USP34: variants seen among roughly 807,000 people sequenced by gnomAD.
USP34 encodes the protein ubiquitin specific peptidase 34, also known as ubiquitin carboxyl-terminal hydrolase 34.
A neutral mutation model predicts 460.3 loss-of-function variants in USP34; 70 were observed. The ratio of observed to expected loss-of-function variants is 0.15; its 90% confidence interval spans 0.13 to 0.19. The LOEUF (loss-of-function observed/expected upper bound fraction) is 0.19. Among genes scored for constraint, USP34 ranks in the 10% least tolerant of loss-of-function variants. The pLI, the probability that USP34 is intolerant of heterozygous loss-of-function variation, is 1.00. For missense variants in USP34, 3,985 were observed against 4,236.2 expected (o/e 0.94, Z 1.65); for synonymous variants, 1,647 against 1,405.3 (o/e 1.17, Z -3.85).
intron 35 of USP34, 96 bp from the exon 36 acceptor site, chr2:61,283,545 C>T: frequency 7.4e-7 from 1 of 1,346,088 alleles, no homozygotes; most frequent in Non-Finnish European, 1.0e-6. Flanking sequence ...TTATCACTTC[C>T]CCCCCAAAAA....
chr2:61,210,115 A>G (rs1372818586), intron 69 of USP34, among the ~76,000 whole-genome samples: 1 of 150,286 alleles, frequency 6.7e-6, no homozygotes, highest in Non-Finnish European at 1.5e-5. Flanking sequence ...TAATGAAGAA[A>G]AAGTATTTTA....
At chr2:61,418,828 T>G (rs1281261667) in intron 2 of USP34, among the ~76,000 whole-genome samples, 1 of 152,212 alleles carries the variant, frequency 6.6e-6, no homozygotes, top group South Asian at 2.1e-4. Flanking sequence ...CATTCCACTT[T>G]TATTACTACG....
intron 15 of USP34, among the ~76,000 whole-genome samples, chr2:61,344,605 G>C (rs575828059): frequency 6.6e-6 from 1 of 152,284 alleles, no homozygotes; most frequent in Non-Finnish European, 1.5e-5. Flanking sequence ...AATATGAAAA[G>C]AGCTAAAATG....
In USP34 at chr2:61,380,198, T is replaced by C. The variant is rs747092428; in HGVS notation, c.985A>G (p.Met329Val). The stretch of plus-strand genomic sequence containing the variant: ...ATCTGACTCAATCCAGCCAACCTCA[T>C]AGTCAAAGTAGGTGACATAAAGTAC... ...FKYFMSPTLTMRLAGLSQITN... is the reference protein window; with the variant it reads ...FKYFMSPTLTVRLAGLSQITN... The change falls in exon 7 of 80, where the codon ATG becomes GTG. Residue 329 changes from methionine to valine, a missense_variant. Physicochemically the swap from Met to Val is conservative, Grantham distance 21. This residue lies in a region of USP34 where 70 missense variants were observed against 109.5 expected (regional missense o/e 0.64). Transcript: ENST00000398571. The C allele has an allele frequency of 3.7e-6, 6 of 1,613,770 alleles. No individual in the cohort carries two copies. The highest frequency in any genetic ancestry group is 5.1e-6 in the Non-Finnish European group (6 of 1,179,820).
chr2:61,261,678 T>C (rs1659742325), intron 43 of USP34, among the ~76,000 whole-genome samples: 1 of 152,180 alleles, frequency 6.6e-6, no homozygotes, highest in African/African-American at 2.4e-5. Context: ...TTACCACAAT[T>C]AGAATATATG....
intron 27 of USP34, among the ~76,000 whole-genome samples, chr2:61,303,368 G>A (rs183278753): frequency 2.2e-4 from 33 of 151,698 alleles, no homozygotes; most frequent in Admixed American, 1.3e-4. Flanking sequence ...GGCCCAGCCA[G>A]AATATCGTAA....
At chr2:61,282,618 G>A (rs557519009) in intron 37 of USP34, among the ~76,000 whole-genome samples, 28 of 152,078 alleles carry the variant, frequency 1.8e-4, no homozygotes, top group African/African-American at 6.3e-4. Flanking sequence ...GCGAGACCCC[G>A]TCTCTACAAA....
intron 51 of USP34, 49 bp downstream of exon 51, chr2:61,245,161 A>G (rs756887575): frequency 7.0e-7 from 1 of 1,424,842 alleles, no homozygotes; most frequent in African/African-American, 1.4e-5. Context: ...TGATATGACA[A>G]AGCACTTGGA....
At position 61,211,860 on chromosome 2, in the gene USP34, A is replaced by C; in HGVS notation, c.8752T>G (p.Leu2918Val). Residue 2918 changes from leucine (L) to valine (V), a missense_variant, in exon 69 of 80, where the codon TTA becomes GTA. Physicochemically the swap from Leu to Val is conservative, Grantham distance 32. Transcript: ENST00000398571. Reference protein sequence around the residue: ...AQRPDMREEELEDIKQFKKTT... With the variant: ...AQRPDMREEEVEDIKQFKKTT... ...TTCTTGAACTGTTTAATATCTTCTA[A>C]TTCTTCTTCTCTCATATCTGGCCTC... is the stretch of plus-strand genomic sequence containing the variant. The C allele has an allele frequency of 6.2e-7, 1 of 1,610,490 alleles. No homozygotes were observed. Among genetic ancestry groups the C allele is most frequent in the East Asian group, 2.2e-5 (1 of 44,550 alleles).
chr2:61,462,895 G>C (rs1435445429), intron 1 of USP34, among the ~76,000 whole-genome samples: 1 of 150,490 alleles, frequency 6.6e-6, no homozygotes, highest in Non-Finnish European at 1.5e-5. Flanking sequence ...CAGGTGTGCT[G>C]GTATACACAC....
intron 57 of USP34, among the ~76,000 whole-genome samples, chr2:61,235,072 TAAGG>T (rs1002593811): frequency 1.2e-3 from 182 of 152,310 alleles, no homozygotes; most frequent in African/African-American, 4.2e-3. Flanking sequence ...TGAGATTTGC[TAAGG>T]GAGGAGATCT....
intron 58 of USP34, among the ~76,000 whole-genome samples, 157 bp from the exon 59 acceptor site, chr2:61,229,790 G>A (rs1252388830): frequency 6.6e-6 from 1 of 152,068 alleles, no homozygotes; most frequent in African/African-American, 2.4e-5. Context: ...AATGGACTAA[G>A]GAAATGAGGC....
Position 61,245,321 on chromosome 2 carries a change from G to A in USP34, c.6549-33C>T, listed in dbSNP as rs145044184. On this transcript the variant is annotated intron_variant, in intron 50 of 79. Coordinates refer to ENST00000398571, the MANE Select transcript of USP34 (RefSeq NM_014709.4). ...AGAGCATATAGTATTAATCTAGTAT[G>A]CATATAATGAGTATCTTCATATTAT... is the stretch of plus-strand genomic sequence containing the variant. 3 of 1,263,658 alleles carry A rather than the reference G, an allele frequency of 2.4e-6. No homozygotes were observed. In the African/African-American group the frequency reaches 4.6e-5, roughly 19 times the overall value. The allele number at this position is 1,263,658 out of a possible 1,614,324, so 78.3% of individuals were successfully genotyped here. A position where few individuals can be genotyped will look rare whatever the true frequency, so the allele number is the denominator to read the frequency against.
intron 21 of USP34, among the ~76,000 whole-genome samples, chr2:61,320,912 A>T (rs959023171): frequency 6.6e-6 from 1 of 152,148 alleles, no homozygotes; most frequent in African/African-American, 2.4e-5. Context: ...CGGGAGGATA[A>T]GGCACGAGAA....
intron 35 of USP34, among the ~76,000 whole-genome samples, chr2:61,284,397 C>T (rs1311505484): frequency 6.6e-6 from 1 of 152,080 alleles, no homozygotes; most frequent in Admixed American, 6.6e-5. Context: ...AGAAAGTTAT[C>T]TCTGATGAAA....
intron 78 of USP34, 189 bp from the exon 79 acceptor site, chr2:61,189,258 T>G: frequency 1.9e-6 from 1 of 524,660 alleles, no homozygotes; most frequent in Non-Finnish European, 3.0e-6. Flanking sequence ...TTTCATTAGT[T>G]GTTTTTTTTT....
chr2:61,355,375 A>T (rs1354739950), intron 10 of USP34, among the ~76,000 whole-genome samples: 1 of 152,230 alleles, frequency 6.6e-6, no homozygotes, highest in African/African-American at 2.4e-5. Context: ...ATGATTTAAA[A>T]AACAAAGAAT....
intron 59 of USP34, among the ~76,000 whole-genome samples, chr2:61,229,259 AT>A (rs11307251): frequency 0.99 from 150,135 of 151,826 alleles, 74,229 homozygotes; most frequent in East Asian, 1. Context: ...ATTACAGATT[AT>A]TTTTTAAACA....
chr2:61,462,289 CTGTAATCCCAGCAGTT>C (rs1192840363), intron 1 of USP34, among the ~76,000 whole-genome samples: 1 of 151,058 alleles, frequency 6.6e-6, no homozygotes, highest in Non-Finnish European at 1.5e-5. Flanking sequence ...TGGCTCATGC[CTGTAATCCCAGCAGTT>C]TGGGAGGCCG....
Sources: gnomAD v4.1 joint callset for allele counts (sites outside exome capture counted in the v4.1 genomes callset) on GRCh38, gnomAD v4.1.1 for gene constraint, gnomAD v4.1.1 regional missense constraint, MANE v1.5 for transcripts, NCBI Gene and HGNC (gene_info 2026-07-23, HGNC 2026-07-21) for gene names.